SLC24A4: variants seen among roughly 807,000 people sequenced by gnomAD.
SLC24A4 encodes the protein sodium/potassium/calcium exchanger 4.
A neutral mutation model predicts 79.0 loss-of-function variants in SLC24A4; 53 were observed. That is an observed-to-expected ratio of 0.67 (90% CI 0.54 to 0.84). The LOEUF (loss-of-function observed/expected upper bound fraction) is 0.84, where lower values mean the gene tolerates loss of function less well. Ranked by LOEUF, SLC24A4 falls within the 40% of genes least tolerant of loss-of-function variation. The pLI is 0.00. For synonymous variants in SLC24A4, 323 were observed against 323.8 expected (o/e 1.00, Z 0.03); for missense variants, 731 against 822.0 (o/e 0.89, Z 1.35).
intron 2 of SLC24A4, among the ~76,000 whole-genome samples, chr14:92,433,580 C>T (rs1891993523): frequency 6.6e-6 from 1 of 152,214 alleles, no homozygotes; most frequent in African/African-American, 2.4e-5. Flanking sequence ...ATTCCAGTAC[C>T]TCCGTATCCT....
At chr14:92,492,116 C>G in intron 15 of SLC24A4, 59 bp from the exon 16 acceptor site, 1 of 1,518,760 alleles carries the variant, frequency 6.6e-7, no homozygotes, top group Non-Finnish European at 9.1e-7. Context: ...GCTGGGATTT[C>G]TGGATGGATT....
At chr14:92,481,999 G>T (rs1001487331) in intron 12 of SLC24A4, among the ~76,000 whole-genome samples, 3 of 152,142 alleles carry the variant, frequency 2.0e-5, no homozygotes, top group Admixed American at 6.5e-5. Context: ...GTGAGATCTG[G>T]ACTGCAGCCA....
intron 12 of SLC24A4, among the ~76,000 whole-genome samples, chr14:92,479,066 T>C (rs1356502685): frequency 6.6e-6 from 1 of 152,246 alleles, no homozygotes; most frequent in Non-Finnish European, 1.5e-5. Context: ...GCTGAACTTG[T>C]TTATTAGTTC....
At chr14:92,481,972 T>G (rs1895091060) in intron 12 of SLC24A4, among the ~76,000 whole-genome samples, 1 of 152,208 alleles carries the variant, frequency 6.6e-6, no homozygotes, top group South Asian at 2.1e-4. Context: ...GTTTCTGGAT[T>G]CCCTTGGTAG....
At chr14:92,371,493 G>A (rs1270783786) in intron 2 of SLC24A4, among the ~76,000 whole-genome samples, 1 of 152,112 alleles carries the variant, frequency 6.6e-6, no homozygotes, top group Non-Finnish European at 1.5e-5. Context: ...AGTATAGATG[G>A]CCAGAGATTC....
chr14:92,449,281 TACACACACACACACACACACAC>T, intron 10 of SLC24A4, 65 bp downstream of exon 10: 18 of 868,542 alleles, frequency 2.1e-5, no homozygotes, highest in African/African-American at 1.4e-4. Context: ...CTCTTTTGTG[TACACACACACACACACACACAC>T]ACACACACAC....
rs115560094 is a variant in SLC24A4 at position 92,492,764 on chromosome 14, G to T, written c.1716+524G>T. The T allele has an allele frequency of 3.5e-3, 1,538 of 434,518 alleles. 18 individuals carry two copies. The highest frequency in any genetic ancestry group is 0.029 in the African/African-American group (1,411 of 49,188). 26.9% of individuals were successfully genotyped at this position (434,518 alleles called of 1,614,324 possible). A position where few individuals can be genotyped will look rare whatever the true frequency, so the allele number is the denominator to read the frequency against. On this transcript the variant is annotated intron_variant, in intron 16 of 16. Transcript: ENST00000532405. The stretch of plus-strand genomic sequence containing the variant: ...CCCAAGGTCACAGAATTGGGCAATG[G>T]CAAAGCTAGGATTTGAACCCAGGTT...
intron 12 of SLC24A4, among the ~76,000 whole-genome samples, chr14:92,459,796 G>C (rs535551103): frequency 6.6e-6 from 1 of 152,252 alleles, no homozygotes; most frequent in South Asian, 2.1e-4. Context: ...GGGGTAGGCA[G>C]AGGTTAACAG....
chr14:92,427,757 G>C (rs538910946), intron 2 of SLC24A4, among the ~76,000 whole-genome samples: 2 of 152,364 alleles, frequency 1.3e-5, no homozygotes, highest in East Asian at 3.9e-4. Context: ...AGGGAAGGCC[G>C]AAGGAGCAGC....
At chr14:92,429,797 C>T (rs979890865) in intron 2 of SLC24A4, among the ~76,000 whole-genome samples, 10 of 152,194 alleles carry the variant, frequency 6.6e-5, no homozygotes, top group Non-Finnish European at 1.5e-4. Context: ...TGACTTTAGT[C>T]TCTCAGAGCC....
chr14:92,454,960 G>A (rs1488726008), intron 11 of SLC24A4, among the ~76,000 whole-genome samples: 1 of 152,144 alleles, frequency 6.6e-6, no homozygotes, highest in African/African-American at 2.4e-5. Flanking sequence ...GGTGGGGAGG[G>A]TTGAATAACT....
chr14:92,367,525 T>C lies in SLC24A4; in HGVS notation c.241+41547T>C, dbSNP rs118038907. ...TCCGGCCTACCTGGGAAGATGAGAT[T>C]TGAGGTCGTGAGCTGACATGCTCTG... On this transcript the variant is annotated intron_variant, in intron 2 of 16. Coordinates refer to ENST00000532405, the MANE Select transcript of SLC24A4 (RefSeq NM_153646.4). 7.0e-3 allele frequency among the ~76,000 whole-genome samples: 1,070 copies of C among 152,308 alleles called. 7 individuals are homozygous for C. The highest frequency in any genetic ancestry group is 0.01 in the Non-Finnish European group (698 of 68,016).
chr14:92,469,563 G>A (rs1245089984), intron 12 of SLC24A4, among the ~76,000 whole-genome samples: 2 of 151,566 alleles, frequency 1.3e-5, no homozygotes, highest in African/African-American at 2.4e-5. Flanking sequence ...TCCCCTCTTA[G>A]TTCTGTATTT....
At chr14:92,365,892 C>T (rs957347642) in intron 2 of SLC24A4, among the ~76,000 whole-genome samples, 1 of 152,110 alleles carries the variant, frequency 6.6e-6, no homozygotes, top group African/African-American at 2.4e-5. Context: ...GCTGTCTGGC[C>T]CCAGAGCCCG....
intron 14 of SLC24A4, among the ~76,000 whole-genome samples, chr14:92,487,590 C>T (rs144589360): frequency 6.1e-4 from 93 of 152,156 alleles, no homozygotes; most frequent in African/African-American, 1.9e-3. Flanking sequence ...AGTGGAAGTA[C>T]GTTTGCTGGT....
chr14:92,409,315 C>T (rs1809417777), intron 2 of SLC24A4, among the ~76,000 whole-genome samples: 1 of 152,164 alleles, frequency 6.6e-6, no homozygotes, highest in African/African-American at 2.4e-5. Flanking sequence ...GTCCCAATGA[C>T]CATGCTTCCT....
chr14:92,404,156 G>C (rs546043137), intron 2 of SLC24A4, among the ~76,000 whole-genome samples: 1 of 152,094 alleles, frequency 6.6e-6, no homozygotes, highest in African/African-American at 2.4e-5. Flanking sequence ...CTCTGACTCC[G>C]CATCTACCCT....
At chr14:92,396,345 T>TG (rs1889777094) in intron 2 of SLC24A4, among the ~76,000 whole-genome samples, 1 of 152,196 alleles carries the variant, frequency 6.6e-6, no homozygotes, top group Non-Finnish European at 1.5e-5. Flanking sequence ...CCTACTCCCT[T>TG]CAATTTGCTG....
At chr14:92,354,681 C>T (rs1025640691) in intron 2 of SLC24A4, among the ~76,000 whole-genome samples, 3 of 152,172 alleles carry the variant, frequency 2.0e-5, no homozygotes, top group Admixed American at 6.5e-5. Flanking sequence ...TTCAGTAGAT[C>T]TGGGGTGGGG....
Sources: allele counts gnomAD v4.1 joint callset (sites outside exome capture counted in the v4.1 genomes callset), GRCh38; gene constraint gnomAD v4.1.1; transcripts MANE v1.5; gene names NCBI Gene and HGNC (gene_info 2026-07-23, HGNC 2026-07-21).